The following ANXA4 variants were observed in gnomAD, a reference collection of about 807,000 sequenced individuals.
ANXA4 encodes annexin A4, also known as 35-beta calcimedin.
Under a neutral mutation model 49.8 loss-of-function variants are expected in ANXA4, and 39 were observed. The ratio of observed to expected loss-of-function variants is 0.78; its 90% CI spans 0.61 to 1.02. ANXA4 has a LOEUF of 1.02. ANXA4 is among the 50% of genes least tolerant of loss of function. The probability of loss-of-function intolerance (pLI) is 0.00; values close to 1 mark genes in which losing one functional copy is unlikely to be tolerated. For missense variants in ANXA4, 360 were observed against 410.1 expected (o/e 0.88, Z 1.05); for synonymous variants, 134 against 152.5 (o/e 0.88, Z 0.89).
upstream of ANXA4, among the ~76,000 whole-genome samples, chr2:69,739,760 C>T (rs1316105545): frequency 6.6e-6 from 1 of 152,026 alleles, no homozygotes; most frequent in Non-Finnish European, 1.5e-5. Flanking sequence ...AGTGGAATTT[C>T]AACAATTATA....
At chr2:69,725,416 A>G (rs866234269) in intron 3 of ANXA4, among the ~76,000 whole-genome samples, 72 of 148,800 alleles carry the variant, frequency 4.8e-4, no homozygotes, top group African/African-American at 1.7e-3. Flanking sequence ...TTTATTATTT[A>G]TATATTTATT....
chr2:69,825,080 A>C (rs1022058572), intron 12 of ANXA4, among the ~76,000 whole-genome samples: 33 of 150,538 alleles, frequency 2.2e-4, no homozygotes, highest in African/African-American at 8.0e-4. Context: ...AAAAAAAAAA[A>C]AAAAAAAAAA....
At chr2:69,684,550 G>A (rs1279287847) in intron 2 of ANXA4, among the ~76,000 whole-genome samples, 1 of 151,768 alleles carries the variant, frequency 6.6e-6, no homozygotes, top group African/African-American at 2.4e-5. Flanking sequence ...AGGCATGGTG[G>A]GGTGGTGTGC....
chr2:69,812,083 A>C (rs905507873), intron 7 of ANXA4, among the ~76,000 whole-genome samples: 2 of 149,522 alleles, frequency 1.3e-5, no homozygotes, highest in African/African-American at 5.0e-5. Context: ...CATAGGTCTC[A>C]TATTCTCTCG....
chr2:69,788,893 G>A, intron 3 of ANXA4, among the ~76,000 whole-genome samples: 1 of 148,978 alleles, frequency 6.7e-6, no homozygotes, highest in Non-Finnish European at 1.5e-5. Context: ...GAAAGAAGGA[G>A]GAGAGGGAGG....
chr2:69,700,470 C>T (rs191729947), intron 2 of ANXA4: 1 of 152,204 alleles, frequency 6.6e-6, no homozygotes, highest in African/African-American at 2.4e-5. Context: ...CTGCCACCAT[C>T]CGTACTCTTC....
At chr2:69,768,657 G>C (rs906516623) in intron 1 of ANXA4, among the ~76,000 whole-genome samples, 2 of 152,190 alleles carry the variant, frequency 1.3e-5, no homozygotes, top group African/African-American at 4.8e-5. Flanking sequence ...GAATGAACAT[G>C]AAACATCAGT....
At chr2:69,697,841 G>A (rs1678205969) in intron 2 of ANXA4, among the ~76,000 whole-genome samples, 1 of 151,944 alleles carries the variant, frequency 6.6e-6, no homozygotes, top group African/African-American at 2.4e-5. Flanking sequence ...AAGATACCTG[G>A]GGCCAGGTGT....
intron 2 of ANXA4, among the ~76,000 whole-genome samples, chr2:69,654,536 A>G (rs1177838292): frequency 6.6e-6 from 1 of 152,160 alleles, no homozygotes; most frequent in East Asian, 1.9e-4. Flanking sequence ...GCATGTATTG[A>G]GATAATCATG....
intron 1 of ANXA4, among the ~76,000 whole-genome samples, chr2:69,756,190 A>AGCTT (rs1219991586): frequency 6.6e-6 from 1 of 152,220 alleles, no homozygotes; most frequent in African/African-American, 2.4e-5. Context: ...GTAAGTTTGT[A>AGCTT]GGAATAAAAC....
At chr2:69,718,808 C>T (rs1206580253) in intron 2 of ANXA4, among the ~76,000 whole-genome samples, 6 of 151,798 alleles carry the variant, frequency 4.0e-5, no homozygotes, top group Non-Finnish European at 7.4e-5. Flanking sequence ...TGCATACACA[C>T]ACATGCTGCA....
intron 4 of ANXA4, among the ~76,000 whole-genome samples, chr2:69,806,143 T>A (rs1673433378): frequency 6.6e-6 from 1 of 152,158 alleles, no homozygotes; most frequent in African/African-American, 2.4e-5. Context: ...GGGGGAGTAT[T>A]TGAACAGACA....
At chr2:69,800,674 T>C (rs570143121) in intron 3 of ANXA4, among the ~76,000 whole-genome samples, 1 of 152,214 alleles carries the variant, frequency 6.6e-6, no homozygotes, top group South Asian at 2.1e-4. Context: ...ATTGAGTTTC[T>C]GTAAACAGAA....
intron 3 of ANXA4, among the ~76,000 whole-genome samples, chr2:69,733,353 CA>C (rs964545316): frequency 3.5e-4 from 54 of 152,208 alleles, no homozygotes; most frequent in African/African-American, 1.3e-3. Context: ...CCTGTAATCC[CA>C]ACACTTTGGG....
chr2:69,779,337 C>T (rs1672105954), intron 1 of ANXA4, among the ~76,000 whole-genome samples: 2 of 152,148 alleles, frequency 1.3e-5, no homozygotes, highest in Admixed American at 6.5e-5. Flanking sequence ...GCCTTGACAG[C>T]AGGTTCATTG....
At chr2:69,735,174 C>A (rs1670211144) in intron 3 of ANXA4, among the ~76,000 whole-genome samples, 1 of 152,212 alleles carries the variant, frequency 6.6e-6, no homozygotes, top group South Asian at 2.1e-4. Context: ...TATATTTTAA[C>A]TGTAGAACTA....
At chr2:69,688,914 G>A (rs1044862875) in intron 2 of ANXA4, among the ~76,000 whole-genome samples, 1 of 152,164 alleles carries the variant, frequency 6.6e-6, no homozygotes, top group African/African-American at 2.4e-5. Context: ...CTTTCAATGG[G>A]AAATGAAATT....
At chr2:69,729,291 A>G (rs923666015) in intron 3 of ANXA4, among the ~76,000 whole-genome samples, 9 of 152,228 alleles carry the variant, frequency 5.9e-5, no homozygotes, top group African/African-American at 2.2e-4. Flanking sequence ...CTGGGATTAC[A>G]GGTGTGAGCC....
chr2:69,768,892 A>G (rs1369666860), intron 1 of ANXA4, among the ~76,000 whole-genome samples: 2 of 152,210 alleles, frequency 1.3e-5, no homozygotes, highest in South Asian at 2.1e-4. Context: ...CCTGAGCAAC[A>G]TAGTGAGACC....
Sources: gnomAD v4.1 joint callset for allele counts (sites outside exome capture counted in the v4.1 genomes callset) on GRCh38, gnomAD v4.1.1 for gene constraint, MANE v1.5 for transcripts, NCBI Gene and HGNC (gene_info 2026-07-23, HGNC 2026-07-21) for gene names.